The following BRWD1 variants were observed in gnomAD, a reference collection of about 807,000 sequenced individuals.
BRWD1 encodes the protein bromodomain and WD repeat domain containing 1.
Under a neutral mutation model 251.2 loss-of-function variants are expected in BRWD1, and 82 were observed. The ratio of observed to expected loss-of-function variants is 0.33; its 90% CI spans 0.27 to 0.39. The LOEUF (loss-of-function observed/expected upper bound fraction) is 0.39. BRWD1 is among the 10% of genes least tolerant of loss of function. BRWD1 has a pLI of 1.00. For missense variants in BRWD1, 2,233 were observed against 2,711.6 expected (o/e 0.82, Z 3.92); for synonymous variants, 918 against 902.8 (o/e 1.02, Z -0.30).
chr21:39,281,927 C>CATGTATATATATATACGT (rs2035475042), intron 8 of BRWD1, among the ~76,000 whole-genome samples: 1 of 150,460 alleles, frequency 6.6e-6, no homozygotes, highest in African/African-American at 2.4e-5. Flanking sequence ...TATACGTATA[C>CATGTATATATATATACGT]ATACATATAC....
In BRWD1 at chr21:39,210,922, T is replaced by C. The variant is rs2032627161; in HGVS notation, c.3908A>G (p.Asp1303Gly). 1.1e-5 allele frequency: 18 copies of C among 1,610,528 alleles called. No homozygotes were observed. The highest frequency in any genetic ancestry group is 1.4e-5 in the Non-Finnish European group (17 of 1,179,022). Residue 1303 changes from aspartate (D) to glycine (G), a missense_variant, in exon 35 of 41, where the codon GAT (aspartate) becomes GGT (glycine). Coordinates refer to ENST00000342449, the MANE Select transcript of BRWD1 (RefSeq NM_033656.4). The part of the protein sequence containing the change: ...KTSSGRRRVH[D>G]GKKSIRATNY... The stretch of plus-strand genomic sequence containing the variant: ...CGTAGCTCTGATGCTTTTTTTCCCA[T>C]CATGGACCTAAAAATACATTCACAG...
chr21:39,305,606 TG>T (rs1464099185), intron 4 of BRWD1, among the ~76,000 whole-genome samples: 1 of 152,106 alleles, frequency 6.6e-6, no homozygotes, highest in Non-Finnish European at 1.5e-5. Flanking sequence ...GGCTCACACC[TG>T]TAATTCCAGC....
At chr21:39,285,637 T>C (rs757323415) in intron 8 of BRWD1, among the ~76,000 whole-genome samples, 54 of 152,050 alleles carry the variant, frequency 3.6e-4, no homozygotes, top group Non-Finnish European at 6.8e-4. Flanking sequence ...TTAAAAAGAA[T>C]GTAGGCTAGG....
chr21:39,236,317 G>C (rs1205912864), intron 23 of BRWD1, among the ~76,000 whole-genome samples: 1 of 151,926 alleles, frequency 6.6e-6, no homozygotes, highest in Non-Finnish European at 1.5e-5. Context: ...ACAGGCCCCA[G>C]AGCTCCTGCT....
chr21:39,306,862 A>G (rs1250412876), intron 4 of BRWD1, among the ~76,000 whole-genome samples: 1 of 152,116 alleles, frequency 6.6e-6, no homozygotes, highest in African/African-American at 2.4e-5. Flanking sequence ...AAATTTGTTT[A>G]TTTATTTTGA....
chr21:39,308,468 T>A (rs2036359624), intron 4 of BRWD1, among the ~76,000 whole-genome samples: 1 of 110,152 alleles, frequency 9.1e-6, no homozygotes, highest in African/African-American at 3.8e-5. Flanking sequence ...GGCAACAGAA[T>A]GACACCTTGT....
Position 39,198,766 on chromosome 21 carries a change from T to C in BRWD1, c.5650A>G (p.Lys1884Glu). Residue 1884 changes from lysine (K) to glutamate (E), a missense_variant, in exon 40 of 41, where the codon AAA becomes GAA. Transcript: ENST00000342449. Reference protein sequence around the residue: ...DKIEKPNNFMKDSASQDNGLS... With the variant: ...DKIEKPNNFMEDSASQDNGLS... ...AAAGATAAATGTTTTGAATTACCTT[T>C]CATAAAATTGTTTGGTTTTTCTATT... The C allele has an allele frequency of 6.3e-7, 1 of 1,579,266 alleles. No individual in the cohort carries two copies. The highest frequency in any genetic ancestry group is 8.6e-7 in the Non-Finnish European group (1 of 1,161,482).
intron 8 of BRWD1, among the ~76,000 whole-genome samples, chr21:39,290,073 A>G (rs993743005): frequency 6.6e-6 from 1 of 151,386 alleles, no homozygotes; most frequent in Non-Finnish European, 1.5e-5. Flanking sequence ...TTAGTCCTCT[A>G]ATTTTTCCCT....
chr21:39,265,731 T>C (rs2034898719), intron 15 of BRWD1, among the ~76,000 whole-genome samples: 1 of 152,210 alleles, frequency 6.6e-6, no homozygotes, highest in Admixed American at 6.5e-5. Flanking sequence ...CGAACACTTT[T>C]CTAGATTTTA....
At chr21:39,299,920 T>G (rs1341996444) in intron 4 of BRWD1, among the ~76,000 whole-genome samples, 1 of 151,842 alleles carries the variant, frequency 6.6e-6, no homozygotes, top group African/African-American at 2.4e-5. Context: ...AGGCGGAGGT[T>G]GCAGTGAACC....
rs533546431 is a variant in BRWD1, at chr21:39,186,286, A to G, written c.*9973T>C. 1 of 152,344 alleles carries G rather than the reference A, an allele frequency of 6.6e-6. No individual in the cohort carries two copies. The highest frequency in any genetic ancestry group is 1.9e-4 in the East Asian group (1 of 5,190). The allele number at this position is 152,344 out of a possible 1,614,324, so 9.4% of individuals were successfully genotyped here. A position where few individuals can be genotyped will look rare whatever the true frequency, so the allele number is the denominator to read the frequency against. ...AGGAAAAGCCGTGATAGTAACATTC[A>G]TAGCTTTCATAGAAAAATATATATT... On this transcript the variant is annotated 3_prime_UTR_variant, in exon 41 of 41. Transcript: ENST00000342449.
chr21:39,192,359 GTT>G lies in BRWD1; in HGVS notation c.*3898_*3899del. 1 of 985,072 alleles carries G rather than the reference GTT, an allele frequency of 1.0e-6. No homozygotes were observed. Among genetic ancestry groups the G allele is most frequent in the Non-Finnish European group, 1.2e-6 (1 of 829,762 alleles). 61.0% of individuals were successfully genotyped at this position (985,072 alleles called of 1,614,324 possible). A position where few individuals can be genotyped will look rare whatever the true frequency, so the allele number is the denominator to read the frequency against. ...CCACAATGCTCTATTTTCTCACCTA[GTT>G]TTGACAAATTTATTCCTTCTCTTCC... On this transcript the variant is annotated 3_prime_UTR_variant, in exon 41 of 41. Coordinates refer to ENST00000342449, the MANE Select transcript of BRWD1 (RefSeq NM_033656.4).
intron 1 of BRWD1, among the ~76,000 whole-genome samples, chr21:39,319,188 A>G (rs1265366144): frequency 3.9e-5 from 6 of 152,144 alleles, no homozygotes; most frequent in Non-Finnish European, 7.3e-5. Context: ...TAGTGGTGTC[A>G]TCTTTCCCAC....
chr21:39,244,521 T>G (rs1460044606), intron 21 of BRWD1, among the ~76,000 whole-genome samples: 2 of 152,206 alleles, frequency 1.3e-5, no homozygotes, highest in Admixed American at 1.3e-4. Context: ...GAATAGTGCC[T>G]CCCAGGCATA....
At chr21:39,275,904 C>T (rs964998510) in intron 12 of BRWD1, among the ~76,000 whole-genome samples, 1 of 151,980 alleles carries the variant, frequency 6.6e-6, no homozygotes, top group African/African-American at 2.4e-5. Context: ...CAGTGGCAGG[C>T]GCCTGTAATC....
At chr21:39,261,232 A>T (rs531282163) in intron 17 of BRWD1, among the ~76,000 whole-genome samples, 32 of 152,268 alleles carry the variant, frequency 2.1e-4, no homozygotes, top group East Asian at 1.5e-3. Flanking sequence ...CTCAAAAAAA[A>T]TTTTTTTAAT....
At chr21:39,214,746 A>C (rs776126614) in intron 32 of BRWD1, among the ~76,000 whole-genome samples, 1 of 152,220 alleles carries the variant, frequency 6.6e-6, no homozygotes, top group South Asian at 2.1e-4. Context: ...CAAAATTTTA[A>C]AAAGTTGAAA....
At chr21:39,274,527 T>C (rs2035219551) in intron 12 of BRWD1, 55 bp from the exon 13 acceptor site, 1 of 1,358,108 alleles carries the variant, frequency 7.4e-7, no homozygotes, top group Non-Finnish European at 1.1e-6. Context: ...CAACAAGGGC[T>C]ACAATTAAAA....
intron 29 of BRWD1, 91 bp from the exon 30 acceptor site, chr21:39,218,751 A>G (rs1436556157): frequency 2.9e-6 from 3 of 1,048,510 alleles, no homozygotes; most frequent in Non-Finnish European, 3.9e-6. Context: ...TAGCTTATAA[A>G]ACTAGGTTAT....
Sources: gnomAD v4.1 joint callset for allele counts (sites outside exome capture counted in the v4.1 genomes callset) on GRCh38, gnomAD v4.1.1 for gene constraint, MANE v1.5 for transcripts, NCBI Gene and HGNC (gene_info 2026-07-23, HGNC 2026-07-21) for gene names.